PRXL2A: variants seen among roughly 807,000 people sequenced by gnomAD.
PRXL2A encodes the protein peroxiredoxin like 2A, also known as peroxiredoxin-like 2A.
PRXL2A carries 26 observed loss-of-function variants against 25.6 expected under a neutral mutation model. The ratio of observed to expected loss-of-function variants is 1.02; its 90% CI spans 0.74 to 1.41. PRXL2A has a LOEUF of 1.41. Ranked by LOEUF, PRXL2A falls within the 40% of genes most tolerant of loss-of-function variation. The pLI is 0.00. For missense variants in PRXL2A, 246 were observed against 273.9 expected, an observed-to-expected ratio of 0.90 and a Z score of 0.72; for synonymous variants, 98 against 102.9, an observed-to-expected ratio of 0.95 and a Z score of 0.29.
At chr10:80,428,172 CT>C (rs1845117004) in intron 5 of PRXL2A, among the ~76,000 whole-genome samples, 1 of 152,016 alleles carries the variant, frequency 6.6e-6, no homozygotes, top group Non-Finnish European at 1.5e-5. Context: ...TAGGTCCTGG[CT>C]GTGAGGCTCC....
intron 1 of PRXL2A, among the ~76,000 whole-genome samples, chr10:80,410,540 C>T (rs1053870153): frequency 7.9e-5 from 12 of 152,382 alleles, no homozygotes; most frequent in African/African-American, 2.9e-4. Context: ...ACGAGTGAAT[C>T]TGAGCCCTGC....
intron 1 of PRXL2A, among the ~76,000 whole-genome samples, chr10:80,413,590 G>C (rs1844546093): frequency 6.6e-6 from 1 of 152,348 alleles, no homozygotes; most frequent in Admixed American, 6.5e-5. Flanking sequence ...GTGGCACTTG[G>C]GAAATGTTAT....
intron 3 of PRXL2A, among the ~76,000 whole-genome samples, chr10:80,424,639 G>A (rs889925022): frequency 2.6e-5 from 4 of 152,120 alleles, no homozygotes; most frequent in Admixed American, 2.6e-4. Flanking sequence ...GCCGAGGCAG[G>A]TGGATCACTT....
intron 2 of PRXL2A, 34 bp downstream of exon 2, chr10:80,420,679 C>T (rs781080400): frequency 1.4e-6 from 2 of 1,479,070 alleles, no homozygotes; most frequent in Non-Finnish European, 1.8e-6. Flanking sequence ...CAGTACTTTT[C>T]CAAGGAGCTG....
chr10:80,436,305 A>G lies in PRXL2A; in HGVS notation c.*4206A>G, dbSNP rs10887871. ...AATTTTTAAATTTTTTGTAGAGGCAAGCTCTTATACTATCTTGCACAGGCT... is the reference window on the plus strand; with the variant it reads ...AATTTTTAAATTTTTTGTAGAGGCAGGCTCTTATACTATCTTGCACAGGCT... On this transcript the variant is annotated 3_prime_UTR_variant, in exon 6 of 6. Transcript: ENST00000606162. The G allele has an allele frequency of 0.36, 54,276 of 151,688 alleles. 11,153 individuals are homozygous for G. Among genetic ancestry groups the G allele is most frequent in the East Asian group, 0.82 (4,209 of 5,144 alleles). The allele number at this position is 151,688 out of a possible 1,614,324, so 9.4% of individuals were successfully genotyped here. A position where few individuals can be genotyped will look rare whatever the true frequency, so the allele number is the denominator to read the frequency against.
At chr10:80,426,706 G>A (rs2131905549) in intron 4 of PRXL2A, among the ~76,000 whole-genome samples, 1 of 152,306 alleles carries the variant, frequency 6.6e-6, no homozygotes, top group East Asian at 1.9e-4. Flanking sequence ...TCTGCAGAAG[G>A]TAGCACTGTT....
intron 1 of PRXL2A, chr10:80,420,199 T>C (rs928006362): frequency 3.0e-5 from 33 of 1,106,258 alleles, no homozygotes; most frequent in East Asian, 5.6e-5. Context: ...AAGAGAACCA[T>C]TTGAGAAGGC....
intron 1 of PRXL2A, among the ~76,000 whole-genome samples, chr10:80,409,871 A>G (rs565236710): frequency 3.3e-4 from 50 of 152,348 alleles, no homozygotes. Context: ...AAGCATTCCC[A>G]TTTTACTGAT....
At chr10:80,431,608 T>C (rs568666579) in intron 5 of PRXL2A, among the ~76,000 whole-genome samples, 17 of 152,300 alleles carry the variant, frequency 1.1e-4, no homozygotes, top group African/African-American at 3.8e-4. Context: ...TGAGCTCCAC[T>C]TCCACACCTT....
chr10:80,420,514 C>T lies in PRXL2A; in HGVS notation c.47C>T (p.Ser16Phe). Residue 16 changes from serine (S) to phenylalanine (F), a missense_variant, in exon 2 of 6, where the codon TCC becomes TTC. Coordinates refer to ENST00000606162, the MANE Select transcript of PRXL2A (RefSeq NM_032333.5). ...DPSFFTMGMW[S>F]IGAGALGAAA... ...AGTTTCTTCACCATGGGGATGTGGT[C>T]CATTGGTGCAGGAGCCCTGGGGGCT... is the stretch of plus-strand genomic sequence containing the variant. The T allele has an allele frequency of 1.2e-6, 2 of 1,611,720 alleles. No individual in the cohort carries two copies. The highest frequency in any genetic ancestry group is 1.1e-5 in the South Asian group (1 of 90,442).
intron 2 of PRXL2A, among the ~76,000 whole-genome samples, chr10:80,421,406 G>C (rs1231279374): frequency 6.6e-6 from 1 of 152,174 alleles, no homozygotes; most frequent in Non-Finnish European, 1.5e-5. Flanking sequence ...CAAGAGAGTT[G>C]GAGTGGTGAA....
intron 5 of PRXL2A, among the ~76,000 whole-genome samples, chr10:80,428,140 C>T (rs1049065002): frequency 6.6e-6 from 1 of 152,152 alleles, no homozygotes; most frequent in Non-Finnish European, 1.5e-5. Flanking sequence ...TATCTGACTC[C>T]TCTGCAAACA....
intron 1 of PRXL2A, among the ~76,000 whole-genome samples, chr10:80,414,931 C>G (rs1219354002): frequency 1.3e-5 from 2 of 152,192 alleles, no homozygotes; most frequent in Non-Finnish European, 2.9e-5. Flanking sequence ...TTTGATTGTC[C>G]TTTTTTGTGT....
At position 80,433,300 on chromosome 10, in the gene PRXL2A, T is replaced by C. The variant is rs1380815196; in HGVS notation, c.*1201T>C. The C allele has an allele frequency of 6.6e-6, 1 of 152,250 alleles. No homozygotes were observed. The highest frequency in any genetic ancestry group is 2.4e-5 in the African/African-American group (1 of 41,462). 9.4% of individuals were successfully genotyped at this position (152,250 alleles called of 1,614,324 possible). On this transcript the variant is annotated 3_prime_UTR_variant, in exon 6 of 6. Transcript: ENST00000606162. ...GAAAGGACATAGAGATGATGAAATA[T>C]AACTTTATCTTTTTTGTTTGAATTT...
chr10:80,408,861 C>T (rs1315402790), intron 1 of PRXL2A, among the ~76,000 whole-genome samples: 1 of 152,186 alleles, frequency 6.6e-6, no homozygotes, highest in Non-Finnish European at 1.5e-5. Context: ...GCGTGGCGGC[C>T]GATGGAAAAA....
At chr10:80,420,132 C>T (rs561487035) in intron 1 of PRXL2A, 11 of 1,003,968 alleles carry the variant, frequency 1.1e-5, no homozygotes, top group Middle Eastern at 5.0e-4. Context: ...GGACATAGCT[C>T]GGCACAGCTC....
intron 1 of PRXL2A, chr10:80,409,153 A>G (rs1844382682): frequency 3.7e-6 from 3 of 817,902 alleles, no homozygotes; most frequent in Non-Finnish European, 4.4e-6. Flanking sequence ...AGCGTTGTTC[A>G]GCGTTTCGGA....
chr10:80,410,558 A>G (rs1227874496), intron 1 of PRXL2A, among the ~76,000 whole-genome samples: 6 of 152,270 alleles, frequency 3.9e-5, no homozygotes, highest in Admixed American at 3.3e-4. Context: ...TGCAAAAGAG[A>G]GAAAGATAAT....
rs772250317 is a variant in PRXL2A, at chr10:80,420,491, TTTC to T, written c.28_30del (p.Phe10del). On this transcript the variant is annotated inframe_deletion, in exon 2 of 6. Coordinates refer to ENST00000606162, the MANE Select transcript of PRXL2A (RefSeq NM_032333.5). ...AAATGTCTTTCCTCCAGGACCCAAG[TTTC>T]TTCACCATGGGGATGTGGTCCATTG... 1.9e-6 allele frequency: 3 copies of T among 1,599,374 alleles called. No homozygotes were observed. Among genetic ancestry groups the T allele is most frequent in the Non-Finnish European group, 2.6e-6 (3 of 1,171,766 alleles).
Sources: allele counts gnomAD v4.1 joint callset (sites outside exome capture counted in the v4.1 genomes callset), GRCh38; gene constraint gnomAD v4.1.1; transcripts MANE v1.5; gene names NCBI Gene and HGNC (gene_info 2026-07-23, HGNC 2026-07-21).